The following SPAG6 variants were observed in gnomAD, a reference collection of about 807,000 sequenced individuals.
The protein encoded by SPAG6 is sperm-associated antigen 6.
In SPAG6, 49 loss-of-function variants were observed where a neutral mutation model predicts 58.5. The observed-to-expected ratio is 0.84, with a 90% confidence interval of 0.67 to 1.06. SPAG6 has a LOEUF of 1.06. Among genes scored for constraint, SPAG6 ranks in the 50% least tolerant of loss-of-function variants. The pLI, the probability that SPAG6 is intolerant of heterozygous loss-of-function variation, is 0.00. For synonymous variants in SPAG6, 233 were observed against 225.6 expected (o/e 1.03, Z -0.29); for missense variants, 560 against 611.3 (o/e 0.92, Z 0.89).
rs11012979 is a variant in SPAG6 at position 22,385,109 on chromosome 10, C to G, written c.473-1645C>G. Among the ~76,000 whole-genome samples the G allele has an allele frequency of 6.6e-5, 10 of 151,898 alleles. No individual in the cohort carries two copies. The East Asian group carries it at 1.9e-3, about 29-fold the overall frequency. ...GACACTTGTATAATTTGGATAGAGT[C>G]GAATTCTTAAGCAGAATGTTAATTA... On this transcript the variant is annotated intron_variant, in intron 4 of 10. Coordinates refer to ENST00000376624, the MANE Select transcript of SPAG6 (RefSeq NM_012443.4).
intron 4 of SPAG6, among the ~76,000 whole-genome samples, chr10:22,372,151 C>T (rs753915041): frequency 4.3e-4 from 65 of 152,060 alleles, no homozygotes; most frequent in Non-Finnish European, 5.4e-4. Context: ...TCCTCATTTA[C>T]ACAACTTTTT....
intron 10 of SPAG6, among the ~76,000 whole-genome samples, chr10:22,416,048 G>C (rs1834857645): frequency 6.6e-6 from 1 of 151,854 alleles, no homozygotes; most frequent in Non-Finnish European, 1.5e-5. Flanking sequence ...TAATTTCCTA[G>C]GTTTCTATGA....
chr10:22,365,389 T>C (rs1186482525), intron 3 of SPAG6, among the ~76,000 whole-genome samples: 5 of 152,162 alleles, frequency 3.3e-5, no homozygotes, highest in Admixed American at 3.3e-4. Flanking sequence ...TTAAGGGAAA[T>C]AGTGAGAGAC....
chr10:22,393,087 A>C (rs1834218184), intron 8 of SPAG6, among the ~76,000 whole-genome samples: 1 of 152,098 alleles, frequency 6.6e-6, no homozygotes, highest in African/African-American at 2.4e-5. Flanking sequence ...GGTCTCTTTA[A>C]CTTTCTGGTG....
chr10:22,378,098 C>G (rs1833865380), intron 4 of SPAG6, among the ~76,000 whole-genome samples: 1 of 122,338 alleles, frequency 8.2e-6, no homozygotes. Flanking sequence ...GAGTCTGACT[C>G]TGTCACCCAG....
chr10:22,415,128 G>A (rs1252033948), intron 10 of SPAG6, among the ~76,000 whole-genome samples: 2 of 151,870 alleles, frequency 1.3e-5, no homozygotes, highest in African/African-American at 2.4e-5. Flanking sequence ...CATATAGCTG[G>A]TGGCTCCCAT....
chr10:22,389,236 G>T lies in SPAG6; in HGVS notation c.929G>T (p.Arg310Leu), dbSNP rs573352808. Residue 310 changes from arginine to leucine, a missense_variant, in exon 7 of 11, where the codon CGG (arginine) becomes CTG (leucine). Physicochemically the swap from Arg to Leu is moderately radical, Grantham distance 102 (BLOSUM62 -2). Coordinates refer to ENST00000376624, the MANE Select transcript of SPAG6 (RefSeq NM_012443.4). ...ATTGGGTCCTGCAAAGGGAACACAC[G>T]GCTGCCTGGCATCATGATGCTTGGT... ...DCIGSCKGNT[R>L]LPGIMMLGYV... 2 of 1,613,158 alleles carry T rather than the reference G, an allele frequency of 1.2e-6. No homozygotes were observed. Among genetic ancestry groups the T allele is most frequent in the Non-Finnish European group, 8.5e-7 (1 of 1,179,722 alleles).
At chr10:22,403,340 T>C (rs1212899160) in intron 9 of SPAG6, among the ~76,000 whole-genome samples, 1 of 151,866 alleles carries the variant, frequency 6.6e-6, no homozygotes, top group East Asian at 1.9e-4. Context: ...TGTGTCCATG[T>C]GTTCTCATTG....
intron 2 of SPAG6, among the ~76,000 whole-genome samples, chr10:22,354,664 A>C (rs1420695645): frequency 1.3e-5 from 2 of 152,234 alleles, no homozygotes; most frequent in African/African-American, 4.8e-5. Context: ...CATGTTCTAC[A>C]TTCTCACTCA....
At chr10:22,396,787 C>T (rs775164215) in intron 8 of SPAG6, among the ~76,000 whole-genome samples, 7 of 151,948 alleles carry the variant, frequency 4.6e-5, no homozygotes, top group East Asian at 1.9e-4. Flanking sequence ...TTAGAAATGA[C>T]GGAAAAATGA....
intron 5 of SPAG6, among the ~76,000 whole-genome samples, chr10:22,387,541 A>G (rs1435757049): frequency 6.6e-6 from 1 of 152,162 alleles, no homozygotes; most frequent in East Asian, 1.9e-4. Flanking sequence ...TGCATAATTA[A>G]GAAGTGGTAT....
In SPAG6 at chr10:22,417,429, A is replaced by G. The variant is rs889442931; in HGVS notation, c.*741A>G. ...TCTGCTCATGAATGAACAAAGAAGC[A>G]GGCATGTAAAATGGATCCTTGTCCT... On this transcript the variant is annotated 3_prime_UTR_variant, in exon 11 of 11. Transcript: ENST00000376624. 1.3e-5 allele frequency: 2 copies of G among 152,202 alleles called. No homozygotes were observed. The highest frequency in any genetic ancestry group is 4.8e-5 in the African/African-American group (2 of 41,452). The allele number at this position is 152,202 out of a possible 1,614,324, so 9.4% of individuals were successfully genotyped here.
At chr10:22,376,012 G>A (rs1247862364) in intron 4 of SPAG6, among the ~76,000 whole-genome samples, 1 of 152,132 alleles carries the variant, frequency 6.6e-6, no homozygotes, top group Non-Finnish European at 1.5e-5. Flanking sequence ...CTATTCACAT[G>A]AGACTTTTGC....
At chr10:22,388,385 T>C (rs1054483775) in intron 6 of SPAG6, among the ~76,000 whole-genome samples, 1 of 152,156 alleles carries the variant, frequency 6.6e-6, no homozygotes, top group African/African-American at 2.4e-5. Flanking sequence ...AACTTTCCAT[T>C]TGTAGATTGT....
intron 4 of SPAG6, among the ~76,000 whole-genome samples, chr10:22,373,857 AT>A (rs1157948340): frequency 6.6e-6 from 1 of 152,096 alleles, no homozygotes; most frequent in African/African-American, 2.4e-5. Flanking sequence ...ATATCTTTGT[AT>A]TTTTTAGGTG....
In SPAG6 at chr10:22,408,314, G is replaced by A. The variant is rs1473495789; in HGVS notation, c.1315-2717G>A. Among the ~76,000 whole-genome samples the A allele has an allele frequency of 1.2e-4, 16 of 137,080 alleles. No individual in the cohort carries two copies. In the East Asian group the frequency reaches 2.6e-3, roughly 22 times the overall value. 89.9% of individuals were successfully genotyped at this position (137,080 alleles called of 152,430 possible). On this transcript the variant is annotated intron_variant, in intron 9 of 10. Coordinates refer to ENST00000376624, the MANE Select transcript of SPAG6 (RefSeq NM_012443.4). ...ATGTTGATGATGATGATGGGTTTTC[G>A]GTGTGGATGTCCTTTCTGTTTGTTA...
At chr10:22,416,559 C>A in intron 10 of SPAG6, 60 bp from the exon 11 acceptor site, 1 of 997,842 alleles carries the variant, frequency 1.0e-6, no homozygotes, top group Non-Finnish European at 1.6e-6. Context: ...TATATTGAAT[C>A]TTATGTGCCT....
At chr10:22,346,130 T>C (rs1006018591) in intron 2 of SPAG6, 2 of 1,385,542 alleles carry the variant, frequency 1.4e-6, no homozygotes, top group Non-Finnish European at 1.9e-6. Flanking sequence ...ATGAGACCCA[T>C]TTTATCCAAG....
At chr10:22,364,038 C>A (rs1230405313) in intron 2 of SPAG6, among the ~76,000 whole-genome samples, 4 of 152,130 alleles carry the variant, frequency 2.6e-5, no homozygotes, top group Non-Finnish European at 4.4e-5. Flanking sequence ...GTAAAATGAC[C>A]ACAATGCAAA....
Sources: gnomAD v4.1 joint callset for allele counts (sites outside exome capture counted in the v4.1 genomes callset) on GRCh38, gnomAD v4.1.1 for gene constraint, MANE v1.5 for transcripts, NCBI Gene and HGNC (gene_info 2026-07-23, HGNC 2026-07-21) for gene names.